Variants in U2SURP observed in about 807,000 individuals in gnomAD.
U2SURP encodes the protein U2 snRNP associated SURP domain containing.
A neutral mutation model predicts 144.9 loss-of-function variants in U2SURP; 9 were observed. The ratio of observed to expected loss-of-function variants is 0.06; its 90% CI spans 0.04 to 0.11. The LOEUF (loss-of-function observed/expected upper bound fraction) is 0.11, where lower values mean the gene tolerates loss of function less well. Ranked by LOEUF, U2SURP falls within the 10% of genes least tolerant of loss-of-function variation. The probability of loss-of-function intolerance (pLI) is 1.00; values close to 1 mark genes in which losing one functional copy is unlikely to be tolerated. For synonymous variants in U2SURP, 408 were observed against 396.8 expected (o/e 1.03, Z -0.33); for missense variants, 724 against 1,226.7 (o/e 0.59, Z 6.12).
Position 143,059,096 on chromosome 3 carries a change from C to T in U2SURP, c.*2646C>T, listed in dbSNP as rs962819790. On this transcript the variant is annotated 3_prime_UTR_variant, in exon 28 of 28. Coordinates refer to ENST00000473835, the MANE Select transcript of U2SURP (RefSeq NM_001080415.2). The stretch of plus-strand genomic sequence containing the variant: ...GACCTATGATGGAAAATGATCACGT[C>T]TCTGAATTTTTTCTTTAACGTTATA... 1 of 152,346 alleles carries T rather than the reference C, an allele frequency of 6.6e-6. No homozygotes were observed. The highest frequency in any genetic ancestry group is 1.5e-5 in the Non-Finnish European group (1 of 67,826). The allele number at this position is 152,346 out of a possible 1,614,324, so 9.4% of individuals were successfully genotyped here. A position where few individuals can be genotyped will look rare whatever the true frequency, so the allele number is the denominator to read the frequency against.
rs1240615342 is a variant in U2SURP at position 143,050,847 on chromosome 3, T to G, written c.2545-92T>G. Reference sequence around the variant, plus strand: ...GGTTATATTTTGACTGAGTACTAATTAGTTACTACTTTGCTATAGAAAAGA... The same window carrying G: ...GGTTATATTTTGACTGAGTACTAATGAGTTACTACTTTGCTATAGAAAAGA... On this transcript the variant is annotated intron_variant, in intron 24 of 27. Coordinates refer to ENST00000473835, the MANE Select transcript of U2SURP (RefSeq NM_001080415.2). The G allele has an allele frequency of 6.3e-6, 5 of 788,086 alleles. No individual in the cohort carries two copies. In the East Asian group the frequency reaches 1.4e-4, roughly 23 times the overall value. 48.8% of individuals were successfully genotyped at this position (788,086 alleles called of 1,614,324 possible). A position where few individuals can be genotyped will look rare whatever the true frequency, so the allele number is the denominator to read the frequency against.
At chr3:143,018,705 C>T (rs1176761146) in intron 6 of U2SURP, among the ~76,000 whole-genome samples, 1 of 152,100 alleles carries the variant, frequency 6.6e-6, no homozygotes, top group African/African-American at 2.4e-5. Flanking sequence ...AGTTTTCTCA[C>T]GTCGTACACT....
At position 143,008,474 on chromosome 3, in the gene U2SURP, TTC is replaced by T. The variant is rs138453184; in HGVS notation, c.46-2340_46-2339del. On this transcript the variant is annotated intron_variant, in intron 1 of 27. Coordinates refer to ENST00000473835, the MANE Select transcript of U2SURP (RefSeq NM_001080415.2). Reference sequence around the variant, plus strand: ...AATTCTTTTGCCCCCTTGCAAATATTTCCCTTTGGAATTTAGAGCGGTTGAAT... The same window carrying T: ...AATTCTTTTGCCCCCTTGCAAATATTCCTTTGGAATTTAGAGCGGTTGAAT... 6.4e-3 allele frequency among the ~76,000 whole-genome samples: 978 copies of T among 152,364 alleles called. 7 individuals are homozygous for T. Among genetic ancestry groups the T allele is most frequent in the African/African-American group, 0.022 (928 of 41,584 alleles).
At position 143,012,283 on chromosome 3, in the gene U2SURP, G is replaced by C. The variant is rs750595787; in HGVS notation, c.152G>C (p.Arg51Thr). 2 of 1,613,402 alleles carry C rather than the reference G, an allele frequency of 1.2e-6. No homozygotes were observed. The highest frequency in any genetic ancestry group is 1.7e-6 in the Non-Finnish European group (2 of 1,179,518). Residue 51 changes from arginine (R) to threonine (T), a missense_variant, in exon 3 of 28, where the codon AGA (arginine) becomes ACA (threonine). This residue lies in a region of U2SURP where 127 missense variants were observed against 98.2 expected (regional missense o/e 1.29). Transcript: ENST00000473835. ...AGTCGGACACGACCTAAGAGCCCAA[G>C]AAAACATAATTATAGGAATGAAAGT... is the stretch of plus-strand genomic sequence containing the variant. ...MPSRTRPKSP[R>T]KHNYRNESAR... is the part of the protein sequence containing the mutation.
At chr3:143,016,036 G>T (rs1184069339) in intron 4 of U2SURP, among the ~76,000 whole-genome samples, 1 of 152,044 alleles carries the variant, frequency 6.6e-6, no homozygotes, top group South Asian at 2.1e-4. Context: ...ATACTTAGGG[G>T]TTCTTTTCTA....
chr3:143,011,338 A>G (rs539715523), intron 2 of U2SURP, among the ~76,000 whole-genome samples: 10 of 152,268 alleles, frequency 6.6e-5, no homozygotes, highest in African/African-American at 2.4e-4. Flanking sequence ...AACATTTTGG[A>G]TAGATAATAC....
chr3:143,012,481 A>G, intron 3 of U2SURP, 128 bp downstream of exon 3: 2 of 904,012 alleles, frequency 2.2e-6, no homozygotes, highest in Non-Finnish European at 3.0e-6. Flanking sequence ...TGAAAATAGC[A>G]TTCTTTTTGT....
At position 143,001,644 on chromosome 3, in the gene U2SURP, C is replaced by T. The variant is rs758588508; in HGVS notation, c.16C>T (p.Pro6Ser). 101 of 1,613,898 alleles carry T rather than the reference C, an allele frequency of 6.3e-5. No individual in the cohort carries two copies. The highest frequency in any genetic ancestry group is 7.6e-5 in the Non-Finnish European group (90 of 1,179,910). The change falls in exon 1 of 28, where the codon CCA (proline) becomes TCA (serine). Residue 6 changes from proline to serine, a missense_variant. By Grantham distance (74) the Pro-to-Ser change is moderately conservative. Transcript: ENST00000473835. MADKT[P>S]GGSQKASSKT... is the part of the protein sequence containing the mutation. ...AAAGCTCAAGATGGCGGACAAAACG[C>T]CAGGCGGATCTCAGAAGGCCAGTTC...
chr3:143,033,328 A>C lies in U2SURP; in HGVS notation c.1831A>C (p.Asn611His). ...GTACAACTCTTCAGCCAAAGTTGCT[A>C]ATGCTTCATATTATAGAAAATTGTA... ...VLYNSSAKVANASYYRKFFET... is the reference protein window; with the variant it reads ...VLYNSSAKVAHASYYRKFFET... The change falls in exon 18 of 28, where the codon AAT becomes CAT. Residue 611 changes from asparagine (N) to histidine (H), a missense_variant. Physicochemically the swap from Asn to His is moderately conservative, Grantham distance 68. Coordinates refer to ENST00000473835, the MANE Select transcript of U2SURP (RefSeq NM_001080415.2). The C allele has an allele frequency of 6.5e-7, 1 of 1,534,508 alleles. No individual in the cohort carries two copies. Among genetic ancestry groups the C allele is most frequent in the Non-Finnish European group, 8.8e-7 (1 of 1,132,618 alleles).
intron 22 of U2SURP, among the ~76,000 whole-genome samples, chr3:143,038,485 A>G (rs190636720): frequency 3.6e-4 from 55 of 152,148 alleles, no homozygotes; most frequent in Non-Finnish European, 6.6e-4. Flanking sequence ...AGCTGTACCT[A>G]CGTAGAAATC....
Position 143,055,064 on chromosome 3 carries a change from C to T in U2SURP, c.2896C>T (p.Arg966Trp), listed in dbSNP as rs761696118. 72 of 1,606,668 alleles carry T rather than the reference C, an allele frequency of 4.5e-5. No individual in the cohort carries two copies. The highest frequency in any genetic ancestry group is 2.0e-4 in the African/African-American group (15 of 74,706). Residue 966 changes from arginine to tryptophan, a missense_variant, in exon 27 of 28, where the codon CGG becomes TGG. This residue lies in a region of U2SURP where 129 missense variants were observed against 196.1 expected (regional missense o/e 0.66). Transcript: ENST00000473835. ...RSERSHKESS[R>W]SRSSHKDSPR... ...AGAAAGATCTCATAAAGAGAGCTCA[C>T]GGTCCAGGTCATCTCACAAAGATTC...
intron 6 of U2SURP, 63 bp downstream of exon 6, chr3:143,017,038 A>G (rs1936405393): frequency 6.8e-7 from 1 of 1,467,236 alleles, no homozygotes; most frequent in Non-Finnish European, 9.0e-7. Flanking sequence ...TGATACTTCC[A>G]CTGTAAGCAA....
In U2SURP at chr3:143,028,653, TA is replaced by T; in HGVS notation, c.1610+8del. The T allele has an allele frequency of 6.3e-7, 1 of 1,585,912 alleles. No homozygotes were observed. Among genetic ancestry groups the T allele is most frequent in the African/African-American group, 1.4e-5 (1 of 72,962 alleles). ...AGGGAGCACTTAAGGAAGAGTAAGA[TA>T]TTTTTCCTTTCTATTATATATTCAG... On this transcript the variant is annotated splice_region_variant and intron_variant, in intron 16 of 27. Transcript: ENST00000473835.
intron 24 of U2SURP, among the ~76,000 whole-genome samples, chr3:143,046,263 GTTC>G: frequency 9.1e-6 from 1 of 109,490 alleles, no homozygotes; most frequent in East Asian, 2.9e-4. Context: ...CCAGAAGCCA[GTTC>G]TTTTTTTTTT....
At chr3:143,011,696 A>G (rs1159935092) in intron 2 of U2SURP, among the ~76,000 whole-genome samples, 1 of 152,222 alleles carries the variant, frequency 6.6e-6, no homozygotes, top group Non-Finnish European at 1.5e-5. Context: ...TTGATGATGC[A>G]GTAAAAGTTA....
intron 14 of U2SURP, among the ~76,000 whole-genome samples, chr3:143,028,085 T>C (rs937761814): frequency 6.6e-6 from 1 of 152,118 alleles, no homozygotes; most frequent in African/African-American, 2.4e-5. Context: ...CATGTAAGTG[T>C]TCAGTGAAAA....
At chr3:143,029,660 C>T (rs1933365812) in intron 16 of U2SURP, among the ~76,000 whole-genome samples, 1 of 152,174 alleles carries the variant, frequency 6.6e-6, no homozygotes, top group South Asian at 2.1e-4. Context: ...GGAAGAGTCT[C>T]ACTTCTCTCA....
At chr3:143,004,390 G>A (rs1451222639) in intron 1 of U2SURP, among the ~76,000 whole-genome samples, 1 of 113,140 alleles carries the variant, frequency 8.8e-6, no homozygotes, top group Non-Finnish European at 1.7e-5. Context: ...TTGAGAGGGA[G>A]TCTTGCCTTG....
chr3:143,017,005 A>G (rs1434846033), intron 6 of U2SURP, 30 bp downstream of exon 6: 1 of 1,540,134 alleles, frequency 6.5e-7, no homozygotes, highest in Non-Finnish European at 8.7e-7. Context: ...TTGACCATTT[A>G]TGTTCAGAGA....
Sources: gnomAD v4.1 joint callset for allele counts (sites outside exome capture counted in the v4.1 genomes callset) on GRCh38, gnomAD v4.1.1 for gene constraint, gnomAD v4.1.1 regional missense constraint, MANE v1.5 for transcripts, NCBI Gene and HGNC (gene_info 2026-07-23, HGNC 2026-07-21) for gene names.